The following GNB4 variants were observed in gnomAD, a reference collection of about 807,000 sequenced individuals.
GNB4 encodes the protein guanine nucleotide-binding protein subunit beta-4.
Under a neutral mutation model 45.2 loss-of-function variants are expected in GNB4, and 28 were observed. The ratio of observed to expected loss-of-function variants is 0.62; its 90% confidence interval spans 0.46 to 0.85. GNB4 has a LOEUF of 0.85. Ranked by LOEUF, GNB4 falls within the 40% of genes least tolerant of loss-of-function variation. The pLI is 0.00. For missense variants in GNB4, 321 were observed against 425.4 expected, an observed-to-expected ratio of 0.75 and a Z score of 2.16; for synonymous variants, 132 against 143.7, an observed-to-expected ratio of 0.92 and a Z score of 0.58.
the GNB4 span, among the ~76,000 whole-genome samples, chr3:179,520,795 C>T: frequency 6.6e-6 from 1 of 152,080 alleles, no homozygotes; most frequent in Non-Finnish European, 1.5e-5. Flanking sequence ...TCCATTTCCC[C>T]AAATTTCCTT....
At chr3:179,451,321 C>T (rs1235706601) in intron 1 of GNB4, 25 bp downstream of exon 1, 1 of 151,306 alleles carries the variant, frequency 6.6e-6, no homozygotes, top group East Asian at 1.9e-4. Context: ...ACCGACGAGC[C>T]GCCGCTCGCG....
At chr3:179,489,052 T>C in the GNB4 span, among the ~76,000 whole-genome samples, 1 of 98,152 alleles carries the variant, frequency 1.0e-5, no homozygotes, top group African/African-American at 3.9e-5. Context: ...ATATAATATA[T>C]ATGTAATAAA....
the GNB4 span, among the ~76,000 whole-genome samples, chr3:179,511,342 C>T: frequency 6.6e-6 from 1 of 152,326 alleles, no homozygotes; most frequent in African/African-American, 2.4e-5. Flanking sequence ...GATATACTCC[C>T]TACCCAGAGC....
At chr3:179,513,339 A>G in the GNB4 span, among the ~76,000 whole-genome samples, 1 of 151,232 alleles carries the variant, frequency 6.6e-6, no homozygotes, top group East Asian at 1.9e-4. Flanking sequence ...GTGTGCCGCC[A>G]CCTCGGTTAA....
At chr3:179,413,846 A>G in intron 6 of GNB4, 65 bp from the exon 7 acceptor site, 2 of 1,107,802 alleles carry the variant, frequency 1.8e-6, no homozygotes, top group Non-Finnish European at 2.7e-6. Context: ...ACCATGTGAA[A>G]TAGCAATATA....
the GNB4 span, among the ~76,000 whole-genome samples, chr3:179,516,520 G>T: frequency 1.3e-5 from 2 of 152,160 alleles, no homozygotes; most frequent in African/African-American, 4.8e-5. Flanking sequence ...GTAGGGAAGG[G>T]AGGGGGCCTG....
chr3:179,520,555 T>G, the GNB4 span, among the ~76,000 whole-genome samples: 47,304 of 151,950 alleles, frequency 0.31, 7,981 homozygotes, highest in African/African-American at 0.43. Flanking sequence ...AATCACAAAC[T>G]ATGCTCAACT....
At chr3:179,469,841 T>C in the GNB4 span, among the ~76,000 whole-genome samples, 1 of 152,312 alleles carries the variant, frequency 6.6e-6, no homozygotes, top group African/African-American at 2.4e-5. Context: ...AACATACTAA[T>C]GTTAAGATGG....
chr3:179,527,135 T>G, the GNB4 span, among the ~76,000 whole-genome samples: 1 of 152,108 alleles, frequency 6.6e-6, no homozygotes, highest in Non-Finnish European at 1.5e-5. Context: ...GTCAATGACT[T>G]CTGCTGGCAG....
the GNB4 span, among the ~76,000 whole-genome samples, chr3:179,523,379 A>C: frequency 7.2e-5 from 11 of 152,162 alleles, no homozygotes; most frequent in Non-Finnish European, 1.3e-4. Flanking sequence ...GAAGGGTGCA[A>C]AGGAATAGTA....
intron 1 of GNB4, among the ~76,000 whole-genome samples, chr3:179,437,365 G>C (rs770061219): frequency 3.3e-5 from 5 of 152,058 alleles, no homozygotes; most frequent in Non-Finnish European, 5.9e-5. Context: ...AGGAGTTCGA[G>C]ACCAGCCTGG....
At chr3:179,468,035 A>AAAAAAAAAAAATATATATATATAT in the GNB4 span, among the ~76,000 whole-genome samples, 52 of 89,852 alleles carry the variant, frequency 5.8e-4, 1 homozygote, top group African/African-American at 1.2e-3. Flanking sequence ...TGTTGATAAA[A>AAAAAAAAAAAATATATATATATAT]ATATATATAT....
At chr3:179,485,814 C>G in the GNB4 span, among the ~76,000 whole-genome samples, 10 of 152,132 alleles carry the variant, frequency 6.6e-5, no homozygotes, top group African/African-American at 2.4e-4. Context: ...GTGGCAGGCC[C>G]CTGTAGTCGC....
the GNB4 span, among the ~76,000 whole-genome samples, chr3:179,471,414 T>A: frequency 6.6e-6 from 1 of 152,204 alleles, no homozygotes; most frequent in Admixed American, 6.5e-5. Context: ...ATACCATTTT[T>A]AAATATTTTA....
intron 8 of GNB4, among the ~76,000 whole-genome samples, chr3:179,411,533 C>T (rs925668217): frequency 2.0e-5 from 3 of 148,232 alleles, no homozygotes; most frequent in Non-Finnish European, 3.0e-5. Context: ...AAAAACCACA[C>T]GAACATCTCA....
chr3:179,403,852 CAA>C (rs934691623), intron 9 of GNB4, among the ~76,000 whole-genome samples: 1 of 150,042 alleles, frequency 6.7e-6, no homozygotes, highest in Non-Finnish European at 1.5e-5. Context: ...TCTTAAAAAA[CAA>C]AAAAAGTCAA....
At chr3:179,483,163 T>G in the GNB4 span, among the ~76,000 whole-genome samples, 1 of 152,178 alleles carries the variant, frequency 6.6e-6, no homozygotes, top group South Asian at 2.1e-4. Context: ...TGTCTGTTTT[T>G]CCTGTGTATA....
At chr3:179,477,609 TG>T in the GNB4 span, among the ~76,000 whole-genome samples, 10 of 152,310 alleles carry the variant, frequency 6.6e-5, 1 homozygote, top group East Asian at 1.9e-3. Context: ...TTGTGGCTCA[TG>T]CCTGTAATCC....
At chr3:179,513,728 A>C in the GNB4 span, among the ~76,000 whole-genome samples, 1 of 152,106 alleles carries the variant, frequency 6.6e-6, no homozygotes. Context: ...CCCTTTTAAA[A>C]ATTTTTTGAA....
Sources: gnomAD v4.1 joint callset for allele counts (sites outside exome capture counted in the v4.1 genomes callset) on GRCh38, gnomAD v4.1.1 for gene constraint, MANE v1.5 for transcripts, NCBI Gene and HGNC (gene_info 2026-07-23, HGNC 2026-07-21) for gene names.